The following PIEZO2 variants were observed in gnomAD, a reference collection of about 807,000 sequenced individuals.
PIEZO2 encodes piezo-type mechanosensitive ion channel component 2.
Under a neutral mutation model 337.3 loss-of-function variants are expected in PIEZO2, and 172 were observed. That is an observed-to-expected ratio of 0.51 (90% confidence interval 0.45 to 0.58). The LOEUF (loss-of-function observed/expected upper bound fraction) is 0.58, where lower values mean the gene tolerates loss of function less well. PIEZO2 is among the 20% of genes least tolerant of loss of function. The pLI is 0.00. For missense variants in PIEZO2, 3,028 were observed against 3,391.3 expected (o/e 0.89, Z 2.66); for synonymous variants, 1,251 against 1,228.5 (o/e 1.02, Z -0.38).
At position 10,856,908 on chromosome 18, in the gene PIEZO2, T is replaced by C; in HGVS notation, c.703+93A>G. 2 of 1,160,906 alleles carry C rather than the reference T, an allele frequency of 1.7e-6. No individual in the cohort carries two copies. The highest frequency in any genetic ancestry group is 2.0e-5 in the Admixed American group (1 of 48,926). 71.9% of individuals were successfully genotyped at this position (1,160,906 alleles called of 1,614,324 possible). On this transcript the variant is annotated intron_variant, in intron 6 of 55. Coordinates refer to ENST00000674853, the MANE Select transcript of PIEZO2 (RefSeq NM_001378183.1). The surrounding 1 kb of genome is among the most constrained non-coding windows in gnomAD (Gnocchi z 4.7). ...ATGATATTCATGTGGTGGAACAGAC[T>C]GTTTCCTTCATTTCTTCTTCAACCA...
rs1373141024 is a variant in PIEZO2 at position 10,815,680 on chromosome 18, A to T, written c.918-8406T>A. On this transcript the variant is annotated intron_variant, in intron 7 of 55. Transcript: ENST00000674853. This position sits in a 1 kb window ranked among gnomAD's most constrained non-coding sequence, Gnocchi z 4.1. ...TTTGTTTCCACAGCAACGTACCTAG[A>T]TAATATTTGGGAGTGCTCTCACTCA... Among the ~76,000 whole-genome samples the T allele has an allele frequency of 2.0e-5, 3 of 152,194 alleles. No individual in the cohort carries two copies. The highest frequency in any genetic ancestry group is 7.2e-5 in the African/African-American group (3 of 41,448).
chr18:10,760,384 A>C (rs991352591), intron 24 of PIEZO2, among the ~76,000 whole-genome samples: 2 of 152,202 alleles, frequency 1.3e-5, no homozygotes, highest in Non-Finnish European at 2.9e-5. Context: ...GGCTCACTGC[A>C]ACCTCTGCCT....
chr18:10,802,429 A>G (rs2039856176), intron 9 of PIEZO2, among the ~76,000 whole-genome samples: 1 of 152,210 alleles, frequency 6.6e-6, no homozygotes, highest in Non-Finnish European at 1.5e-5. Context: ...TTATGTATTT[A>G]TTCATTAAAA....
At chr18:10,987,570 T>TA (rs1022044221) in intron 2 of PIEZO2, among the ~76,000 whole-genome samples, 15 of 151,988 alleles carry the variant, frequency 9.9e-5, no homozygotes, top group African/African-American at 3.6e-4. Flanking sequence ...CAAAATGTAT[T>TA]AAAAATATGA....
intron 33 of PIEZO2, among the ~76,000 whole-genome samples, chr18:10,737,294 A>AAC (rs75854036): frequency 1.4e-5 from 2 of 146,122 alleles, no homozygotes; most frequent in Non-Finnish European, 2.9e-5. Context: ...TGAAAAAAAA[A>AAC]AAACAAAAAA....
rs908110283 is a variant in PIEZO2, at chr18:11,047,669, G to A, written c.160+18458C>T. Among the ~76,000 whole-genome samples the A allele has an allele frequency of 1.3e-5, 2 of 152,156 alleles. No individual in the cohort carries two copies. The highest frequency in any genetic ancestry group is 2.9e-5 in the Non-Finnish European group (2 of 68,036). On this transcript the variant is annotated intron_variant, in intron 2 of 55. Coordinates refer to ENST00000674853, the MANE Select transcript of PIEZO2 (RefSeq NM_001378183.1). This position sits in a 1 kb window ranked among gnomAD's most constrained non-coding sequence, Gnocchi z 7.2. ...CTTGGTCCTAAGGAGGAGGGCACGG[G>A]GGGAATCTGGGGAGAGCACTACAGC...
chr18:10,970,425 G>A (rs951915622), intron 3 of PIEZO2, among the ~76,000 whole-genome samples: 6 of 152,276 alleles, frequency 3.9e-5, no homozygotes, highest in East Asian at 1.9e-4. Flanking sequence ...CCAGGGCCCC[G>A]GCACCCTCCA....
At chr18:10,802,077 C>T (rs1240498725) in intron 9 of PIEZO2, among the ~76,000 whole-genome samples, 1 of 111,448 alleles carries the variant, frequency 9.0e-6, no homozygotes, top group Non-Finnish European at 1.7e-5. Context: ...CAGAGCGAGA[C>T]TCCGTCTCAA....
In PIEZO2 at chr18:11,003,963, C is replaced by A. The variant is rs928332799; in HGVS notation, c.161-24303G>T. 3.3e-5 allele frequency among the ~76,000 whole-genome samples: 5 copies of A among 152,196 alleles called. No homozygotes were observed. Among genetic ancestry groups the A allele is most frequent in the Admixed American group, 1.3e-4 (2 of 15,284 alleles). ...TTGTTGCTTTTACTTTGTTTTCTAA[C>A]CCATGTTATGCCTTCCACAACTCTG... On this transcript the variant is annotated intron_variant, in intron 2 of 55. Transcript: ENST00000674853. The surrounding 1 kb of genome is among the most constrained non-coding windows in gnomAD (Gnocchi z 4.6).
intron 2 of PIEZO2, among the ~76,000 whole-genome samples, chr18:11,026,658 A>G (rs775061722): frequency 2.6e-5 from 4 of 152,174 alleles, no homozygotes; most frequent in Non-Finnish European, 4.4e-5. Flanking sequence ...CTCAGCCTGA[A>G]TGCTCCCTCC....
At position 10,715,811 on chromosome 18, in the gene PIEZO2, T is replaced by C. The variant is rs760036064; in HGVS notation, c.5095A>G (p.Ile1699Val). The stretch of plus-strand genomic sequence containing the variant: ...AAAATATTAAATATCCTCTTGATGA[T>C]ATTATCTAGGAGGAAGAAAGGCAAC... ...IKKKSDGPDNIIKRIFNILKF... is the reference protein window; with the variant it reads ...IKKKSDGPDNVIKRIFNILKF... The change falls in exon 38 of 56, where the codon ATC becomes GTC. Residue 1699 changes from isoleucine (I) to valine (V), a missense_variant. Coordinates refer to ENST00000674853, the MANE Select transcript of PIEZO2 (RefSeq NM_001378183.1). The C allele has an allele frequency of 6.6e-5, 101 of 1,524,622 alleles. No individual in the cohort carries two copies. Among genetic ancestry groups the C allele is most frequent in the Non-Finnish European group, 8.2e-5 (93 of 1,138,662 alleles). 94.4% of individuals were successfully genotyped at this position (1,524,622 alleles called of 1,614,324 possible).
chr18:11,078,405 G>A lies in PIEZO2; in HGVS notation c.65-12183C>T, dbSNP rs2038625886. 6.6e-6 allele frequency among the ~76,000 whole-genome samples: 1 copy of A among 152,152 alleles called. No homozygotes were observed. Among genetic ancestry groups the A allele is most frequent in the Non-Finnish European group, 1.5e-5 (1 of 68,034 alleles). ...AGAAATCAATTCAACTAACTATAATGCAGTCCTATTTCTTCTATCTCCAGC... is the reference window on the plus strand; with the variant it reads ...AGAAATCAATTCAACTAACTATAATACAGTCCTATTTCTTCTATCTCCAGC... On this transcript the variant is annotated intron_variant, in intron 1 of 55. Transcript: ENST00000674853. This position sits in a 1 kb window ranked among gnomAD's most constrained non-coding sequence, Gnocchi z 5.3.
At chr18:10,832,387 C>G (rs1286695266) in intron 7 of PIEZO2, among the ~76,000 whole-genome samples, 1 of 152,160 alleles carries the variant, frequency 6.6e-6, no homozygotes, top group Admixed American at 6.5e-5. Context: ...ATGTGGGTAT[C>G]TTATTCATTT....
At chr18:10,705,850 C>T (rs1040661299) in intron 40 of PIEZO2, 104 bp from the exon 41 acceptor site, 3 of 1,306,032 alleles carry the variant, frequency 2.3e-6, no homozygotes, top group Non-Finnish European at 2.0e-6. Flanking sequence ...AAGGAAATGC[C>T]CCATTTTCCC....
At chr18:11,147,684 C>A (rs1244623009) in intron 1 of PIEZO2, among the ~76,000 whole-genome samples, 1 of 152,258 alleles carries the variant, frequency 6.6e-6, no homozygotes, top group Non-Finnish European at 1.5e-5. Context: ...TTCAATGTCA[C>A]AGGCACTGCC....
intron 43 of PIEZO2, among the ~76,000 whole-genome samples, chr18:10,699,718 G>C (rs1262176224): frequency 6.6e-6 from 1 of 151,160 alleles, no homozygotes; most frequent in Non-Finnish European, 1.5e-5. Flanking sequence ...TAGATAATAA[G>C]ATTTTAGCTG....
chr18:10,785,856 A>C (rs2039203871), intron 16 of PIEZO2, among the ~76,000 whole-genome samples: 1 of 152,128 alleles, frequency 6.6e-6, no homozygotes, highest in Admixed American at 6.6e-5. Context: ...GGGATCTTTA[A>C]AGATTGGAAA....
intron 4 of PIEZO2, among the ~76,000 whole-genome samples, chr18:10,905,051 TA>T (rs951560943): frequency 3.5e-4 from 53 of 152,290 alleles, no homozygotes; most frequent in African/African-American, 1.2e-3. Context: ...AATAACAACT[TA>T]AAAAAATCAT....
chr18:11,145,480 G>A (rs895562952), intron 1 of PIEZO2, among the ~76,000 whole-genome samples: 1 of 152,174 alleles, frequency 6.6e-6, no homozygotes, highest in Non-Finnish European at 1.5e-5. Context: ...TTAAAGAAAT[G>A]AGCTTAAAGG....
Sources: gnomAD v4.1 joint callset for allele counts (sites outside exome capture counted in the v4.1 genomes callset) on GRCh38, gnomAD v4.1.1 for gene constraint, Gnocchi (gnomAD v3.1) non-coding constraint, MANE v1.5 for transcripts, NCBI Gene and HGNC (gene_info 2026-07-23, HGNC 2026-07-21) for gene names.